Variants in MCM9 observed in about 807,000 individuals in gnomAD.
MCM9 encodes DNA helicase MCM9.
A neutral mutation model predicts 72.8 loss-of-function variants in MCM9; 55 were observed. The observed-to-expected ratio is 0.76, with a 90% CI of 0.61 to 0.95. The LOEUF (loss-of-function observed/expected upper bound fraction) is 0.95, where lower values mean the gene tolerates loss of function less well. Among genes scored for constraint, MCM9 ranks in the 40% least tolerant of loss-of-function variants. The pLI is 0.00. For missense variants in MCM9, 1,279 were observed against 1,377.0 expected (o/e 0.93, Z 1.13); for synonymous variants, 480 against 503.4 (o/e 0.95, Z 0.62).
At chr6:118,927,788 A>G (rs1486633136) in intron 3 of MCM9, among the ~76,000 whole-genome samples, 1 of 152,224 alleles carries the variant, frequency 6.6e-6, no homozygotes, top group Non-Finnish European at 1.5e-5. Flanking sequence ...ATTCCTAGAA[A>G]GCTATCTTTA....
chr6:118,919,624 T>C (rs1781270424), intron 5 of MCM9: 2 of 152,218 alleles, frequency 1.3e-5, no homozygotes, highest in African/African-American at 2.4e-5. Context: ...CCAGAACAAT[T>C]GTGAGGTATA....
At chr6:118,823,026 G>T (rs1773917942) in intron 13 of MCM9, among the ~76,000 whole-genome samples, 1 of 152,178 alleles carries the variant, frequency 6.6e-6, no homozygotes, top group South Asian at 2.1e-4. Flanking sequence ...TTTCAAGCCA[G>T]TGGTTCTTGG....
chr6:118,911,659 T>G lies in MCM9; in HGVS notation c.1141A>C (p.Thr381Pro). The change falls in exon 8 of 14, where the codon ACT becomes CCT. Residue 381 changes from threonine (T) to proline (P), a missense_variant. Thr to Pro is a conservative substitution (Grantham distance 38, BLOSUM62 -1). Transcript: ENST00000619706. ...TTGTCACATACAATACCTGCACTAGTAGATCCAATTCCTGTGGTCAGCACA... is the reference window on the plus strand; with the variant it reads ...TTGTCACATACAATACCTGCACTAGGAGATCCAATTCCTGTGGTCAGCACA... ...RSVLTTGIGSTSAGLTVTAVK... is the reference protein window; with the variant it reads ...RSVLTTGIGSPSAGLTVTAVK... 1 of 1,611,184 alleles carries G rather than the reference T, an allele frequency of 6.2e-7. No individual in the cohort carries two copies. The highest frequency in any genetic ancestry group is 8.5e-7 in the Non-Finnish European group (1 of 1,178,430).
At chr6:118,871,262 T>C (rs191030164) in intron 8 of MCM9, among the ~76,000 whole-genome samples, 1 of 152,300 alleles carries the variant, frequency 6.6e-6, no homozygotes, top group Non-Finnish European at 1.5e-5. Flanking sequence ...AACAATACAC[T>C]GAAAGAATCA....
At chr6:118,889,199 C>A (rs544621146) in intron 8 of MCM9, among the ~76,000 whole-genome samples, 2 of 152,292 alleles carry the variant, frequency 1.3e-5, no homozygotes, top group African/African-American at 4.8e-5. Context: ...ATTCTACCAA[C>A]CAAATTTCTA....
Position 118,931,490 on chromosome 6 carries a change from C to G in MCM9, c.234G>C (p.Leu78Phe). The change falls in exon 3 of 14, where the codon TTG (leucine) becomes TTC (phenylalanine). Residue 78 changes from leucine to phenylalanine, a missense_variant. By Grantham distance (22) the Leu-to-Phe change is conservative. Transcript: ENST00000619706. ...IFDSALRRSA[L>F]TILQSLSQPE... Reference sequence around the variant, plus strand: ...GCTGAGAAAGGGACTGGAGAATTGTCAAGGCTGACCTTCGCAGTGCACTAT... The same window carrying G: ...GCTGAGAAAGGGACTGGAGAATTGTGAAGGCTGACCTTCGCAGTGCACTAT... The G allele has an allele frequency of 6.2e-7, 1 of 1,614,128 alleles. No homozygotes were observed. The highest frequency in any genetic ancestry group is 8.5e-7 in the Non-Finnish European group (1 of 1,180,022).
At chr6:118,886,844 A>T (rs962570763) in intron 8 of MCM9, among the ~76,000 whole-genome samples, 26 of 152,150 alleles carry the variant, frequency 1.7e-4, no homozygotes, top group African/African-American at 3.4e-4. Flanking sequence ...ACACACCTGT[A>T]GTCCTAGCTA....
At position 118,828,064 on chromosome 6, in the gene MCM9, C is replaced by T. The variant is rs1276993229; in HGVS notation, c.1595G>A (p.Arg532Lys). The change falls in exon 11 of 14, where the codon AGG (arginine) becomes AAG (lysine). Residue 532 changes from arginine to lysine, a missense_variant. Coordinates refer to ENST00000619706, the MANE Select transcript of MCM9 (RefSeq NM_017696.3). ...ATCAGACAGTGTGGGCTGCAGATTC[C>T]TTATGAGGCAGAAATAGGTTTTCAT... ...EKMKTYFCLI[R>K]NLQPTLSDVG... is the part of the protein sequence containing the mutation. 17 of 1,550,542 alleles carry T rather than the reference C, an allele frequency of 1.1e-5. No individual in the cohort carries two copies. The Admixed American group carries it at 3.3e-4, about 30-fold the overall frequency.
intron 8 of MCM9, among the ~76,000 whole-genome samples, chr6:118,866,427 A>G (rs1777221685): frequency 6.6e-6 from 1 of 152,224 alleles, no homozygotes; most frequent in Admixed American, 6.5e-5. Context: ...ATAATGGTCA[A>G]AAAGATGCTC....
intron 8 of MCM9, chr6:118,905,799 A>G (rs1013927996): frequency 6.2e-7 from 1 of 1,608,032 alleles, no homozygotes; most frequent in Non-Finnish European, 8.5e-7. Context: ...ATTAAGGGAA[A>G]ATCCACCAGT....
intron 8 of MCM9, chr6:118,911,421 G>A (rs1780537311): frequency 7.9e-7 from 1 of 1,265,386 alleles, no homozygotes; most frequent in South Asian, 2.7e-5. Context: ...ACTAGAGAAT[G>A]AGAAAATTGA....
chr6:118,869,263 G>C (rs1279752720), intron 8 of MCM9, among the ~76,000 whole-genome samples: 1 of 152,064 alleles, frequency 6.6e-6, no homozygotes, highest in African/African-American at 2.4e-5. Flanking sequence ...CCTATCTGGG[G>C]GTGGGGAACT....
Position 118,853,172 on chromosome 6 carries a change from TA to T in MCM9, c.1325+3198del, listed in dbSNP as rs796287486. Reference sequence around the variant, plus strand: ...GGATAGTCAAGTGTTCTAGCACAATTAAAAAAAAACTATCCTTTCTCTGTTG... The same window carrying T: ...GGATAGTCAAGTGTTCTAGCACAATTAAAAAAAACTATCCTTTCTCTGTTG... On this transcript the variant is annotated intron_variant, in intron 9 of 13. Transcript: ENST00000619706. 2.8e-4 allele frequency among the ~76,000 whole-genome samples: 42 copies of T among 151,494 alleles called. 1 individual carries two copies. The highest frequency in any genetic ancestry group is 3.2e-4 in the African/African-American group (13 of 41,260).
chr6:118,925,607 A>G (rs1781829672), intron 3 of MCM9, among the ~76,000 whole-genome samples: 2 of 152,188 alleles, frequency 1.3e-5, no homozygotes, highest in Admixed American at 1.3e-4. Flanking sequence ...TGTATAGACA[A>G]ACAAGGTGGC....
At chr6:118,862,427 T>C (rs1446513014) in intron 8 of MCM9, among the ~76,000 whole-genome samples, 1 of 152,232 alleles carries the variant, frequency 6.6e-6, no homozygotes, top group East Asian at 1.9e-4. Flanking sequence ...GAAATAATTA[T>C]ACAACTCACC....
At chr6:118,929,193 C>A (rs1281846550) in intron 3 of MCM9, among the ~76,000 whole-genome samples, 1 of 152,230 alleles carries the variant, frequency 6.6e-6, no homozygotes, top group African/African-American at 2.4e-5. Context: ...GGACTCCAGC[C>A]TGGACAACAG....
intron 8 of MCM9, among the ~76,000 whole-genome samples, chr6:118,881,763 G>C (rs1778301967): frequency 1.3e-5 from 2 of 152,172 alleles, no homozygotes; most frequent in Non-Finnish European, 2.9e-5. Flanking sequence ...ACAGACTATG[G>C]AAAATCTAAG....
chr6:118,899,282 G>A (rs1014888539), intron 8 of MCM9, among the ~76,000 whole-genome samples: 22 of 152,126 alleles, frequency 1.4e-4, no homozygotes, highest in Non-Finnish European at 2.2e-4. Context: ...CCCATGCCAC[G>A]CAGTGTGAAA....
chr6:118,911,513 T>C (rs1001991157), intron 8 of MCM9, 137 bp downstream of exon 8: 3 of 1,382,630 alleles, frequency 2.2e-6, no homozygotes, highest in African/African-American at 1.5e-5. Flanking sequence ...TAACATTGCA[T>C]ATTTCCTTCC....
Sources: allele counts gnomAD v4.1 joint callset (sites outside exome capture counted in the v4.1 genomes callset), GRCh38; gene constraint gnomAD v4.1.1; transcripts MANE v1.5; gene names NCBI Gene and HGNC (gene_info 2026-07-23, HGNC 2026-07-21).